The following BCL11B variants were observed in gnomAD, a reference collection of about 807,000 sequenced individuals.
BCL11B encodes BCL11 transcription factor B, also known as B-cell lymphoma/leukemia 11B.
In BCL11B, 8 loss-of-function variants were observed where a neutral mutation model predicts 49.9. The ratio of observed to expected loss-of-function variants is 0.16; its 90% CI spans 0.09 to 0.29. The LOEUF (loss-of-function observed/expected upper bound fraction) is 0.29. Ranked by LOEUF, BCL11B falls within the 10% of genes least tolerant of loss-of-function variation. BCL11B has a pLI of 1.00. For synonymous variants in BCL11B, 739 were observed against 637.4 expected (o/e 1.16, Z -2.40); for missense variants, 1,006 against 1,351.0 (o/e 0.74, Z 4.00).
Position 99,205,115 on chromosome 14 carries a change from C to T in BCL11B, c.640+26230G>A, listed in dbSNP as rs1420038651. Among the ~76,000 whole-genome samples the T allele has an allele frequency of 1.3e-5, 2 of 152,014 alleles. No homozygotes were observed. The highest frequency in any genetic ancestry group is 6.5e-5 in the Admixed American group (1 of 15,272). On this transcript the variant is annotated intron_variant, in intron 3 of 3. Transcript: ENST00000357195. The surrounding 1 kb of genome is among the most constrained non-coding windows in gnomAD (Gnocchi z 5.0). Reference sequence around the variant, plus strand: ...TGAAAGGGAGCATAATATGATCCTTCCTTAATGGAAGCAGCTCTTTCACAA... The same window carrying T: ...TGAAAGGGAGCATAATATGATCCTTTCTTAATGGAAGCAGCTCTTTCACAA...
chr14:99,224,071 G>T (rs1041546203), intron 3 of BCL11B, among the ~76,000 whole-genome samples: 1 of 152,172 alleles, frequency 6.6e-6, no homozygotes, highest in African/African-American at 2.4e-5. Context: ...CCAGCCCAGG[G>T]TCTGGCACAA....
chr14:99,230,748 C>G (rs984163714), intron 3 of BCL11B, among the ~76,000 whole-genome samples: 1 of 152,158 alleles, frequency 6.6e-6, no homozygotes, highest in African/African-American at 2.4e-5. Flanking sequence ...GGCCCAGAGC[C>G]GGACGCACAG....
chr14:99,178,771 T>G (rs182929131), intron 3 of BCL11B, among the ~76,000 whole-genome samples: 1 of 152,236 alleles, frequency 6.6e-6, no homozygotes, highest in Non-Finnish European at 1.5e-5. Flanking sequence ...TGCAGGGTTA[T>G]AGATCTTCAA....
intron 2 of BCL11B, among the ~76,000 whole-genome samples, chr14:99,250,281 C>T (rs993194919): frequency 5.9e-5 from 9 of 151,960 alleles, no homozygotes; most frequent in South Asian, 2.1e-4. Context: ...ATGATCCCCC[C>T]GCCTCGGCCT....
At chr14:99,190,405 T>C (rs1201238028) in intron 3 of BCL11B, among the ~76,000 whole-genome samples, 2 of 152,230 alleles carry the variant, frequency 1.3e-5, no homozygotes, top group African/African-American at 4.8e-5. Flanking sequence ...GGAGAATCGC[T>C]TGAACCCGGG....
chr14:99,233,442 C>T (rs1209102678), intron 2 of BCL11B, among the ~76,000 whole-genome samples: 1 of 152,220 alleles, frequency 6.6e-6, no homozygotes, highest in Non-Finnish European at 1.5e-5. Context: ...GCAACGGCCA[C>T]ATAGTGGGCG....
chr14:99,240,799 A>G (rs2139914317), intron 2 of BCL11B, among the ~76,000 whole-genome samples: 1 of 152,364 alleles, frequency 6.6e-6, no homozygotes, highest in South Asian at 2.1e-4. Context: ...AAAGATTGTT[A>G]GCACATTAAC....
At chr14:99,252,817 G>C (rs1426438703) in intron 2 of BCL11B, among the ~76,000 whole-genome samples, 1 of 152,248 alleles carries the variant, frequency 6.6e-6, no homozygotes, top group Admixed American at 6.5e-5. Flanking sequence ...GTTATGGAAG[G>C]GCTGAAAACA....
At position 99,184,149 on chromosome 14, in the gene BCL11B, C is replaced by T. The variant is rs1234039288; in HGVS notation, c.641-7954G>A. 1.3e-5 allele frequency among the ~76,000 whole-genome samples: 2 copies of T among 152,100 alleles called. No homozygotes were observed. Among genetic ancestry groups the T allele is most frequent in the Non-Finnish European group, 2.9e-5 (2 of 68,024 alleles). ...CTTGCTGCCTGCCTTTTGCACACAC[C>T]CATGAGCTGCCCACTCGCCCTCTCG... On this transcript the variant is annotated intron_variant, in intron 3 of 3. Coordinates refer to ENST00000357195, the MANE Select transcript of BCL11B (RefSeq NM_138576.4). This position sits in a 1 kb window ranked among gnomAD's most constrained non-coding sequence, Gnocchi z 6.1.
intron 1 of BCL11B, among the ~76,000 whole-genome samples, chr14:99,260,615 A>G (rs369782246): frequency 3.0e-4 from 46 of 151,998 alleles, no homozygotes; most frequent in African/African-American, 1.1e-3. Context: ...TTTTGCCAAG[A>G]CTATGTACCA....
intron 3 of BCL11B, among the ~76,000 whole-genome samples, chr14:99,193,764 T>C (rs1352535985): frequency 6.6e-6 from 1 of 152,256 alleles, no homozygotes; most frequent in Non-Finnish European, 1.5e-5. Flanking sequence ...GAGGGTTTGA[T>C]AGCACCTCTT....
At chr14:99,210,257 T>C (rs1887649162) in intron 3 of BCL11B, among the ~76,000 whole-genome samples, 1 of 152,124 alleles carries the variant, frequency 6.6e-6, no homozygotes, top group African/African-American at 2.4e-5. Context: ...CTGCATCCTA[T>C]TCCTTGCAGA....
rs1195526922 is a variant in BCL11B at position 99,257,972 on chromosome 14, C to G, written c.59-133G>C. The stretch of plus-strand genomic sequence containing the variant: ...CTCTGCTGCTGGCTGCCAGAGCTCA[C>G]CAGGTCCTCCCCGGGGTTGGGGGCT... On this transcript the variant is annotated intron_variant, in intron 1 of 3. Coordinates refer to ENST00000357195, the MANE Select transcript of BCL11B (RefSeq NM_138576.4). This position sits in a 1 kb window ranked among gnomAD's most constrained non-coding sequence, Gnocchi z 6.2. The G allele has an allele frequency of 3.5e-6, 4 of 1,132,808 alleles. No homozygotes were observed. The highest frequency in any genetic ancestry group is 4.7e-6 in the Non-Finnish European group (4 of 851,004). The allele number at this position is 1,132,808 out of a possible 1,614,324, so 70.2% of individuals were successfully genotyped here. A position where few individuals can be genotyped will look rare whatever the true frequency, so the allele number is the denominator to read the frequency against.
chr14:99,193,716 A>G (rs1887103014), intron 3 of BCL11B, among the ~76,000 whole-genome samples: 1 of 152,126 alleles, frequency 6.6e-6, no homozygotes, highest in Admixed American at 6.5e-5. Flanking sequence ...ACACTAACGA[A>G]CCCCACTGCC....
rs79208977 is a variant in BCL11B at position 99,192,873 on chromosome 14, A to G, written c.641-16678T>C. On this transcript the variant is annotated intron_variant, in intron 3 of 3. Transcript: ENST00000357195. This position sits in a 1 kb window ranked among gnomAD's most constrained non-coding sequence, Gnocchi z 4.0. The stretch of plus-strand genomic sequence containing the variant: ...TAATGATCAAAATGTAAATGAGTGA[A>G]TGAATGAATGAATGAATGAATGAGT... Among the ~76,000 whole-genome samples the G allele has an allele frequency of 5.2e-5, 1 of 19,128 alleles. No individual in the cohort carries two copies. Among genetic ancestry groups the G allele is most frequent in the African/African-American group, 2.0e-4 (1 of 4,926 alleles). 12.5% of individuals were successfully genotyped at this position (19,128 alleles called of 152,430 possible). A position where few individuals can be genotyped will look rare whatever the true frequency, so the allele number is the denominator to read the frequency against.
intron 2 of BCL11B, among the ~76,000 whole-genome samples, chr14:99,240,926 C>T (rs974611765): frequency 6.6e-6 from 1 of 152,196 alleles, no homozygotes; most frequent in Admixed American, 6.5e-5. Context: ...AAACCGGCAG[C>T]GCAGTCCTCA....
In BCL11B at chr14:99,172,845, G is replaced by GAA; in HGVS notation, c.*1304_*1305dup. 2 of 215,182 alleles carry GAA rather than the reference G, an allele frequency of 9.3e-6. No individual in the cohort carries two copies. The highest frequency in any genetic ancestry group is 5.9e-5 in the Admixed American group (1 of 16,982). 13.3% of individuals were successfully genotyped at this position (215,182 alleles called of 1,614,324 possible). ...AGTACCTTCCAACCTAATGAGATAG[G>GAA]AAAAAAAAAATAAAAACCTGGGAAG... is the stretch of plus-strand genomic sequence containing the variant. On this transcript the variant is annotated 3_prime_UTR_variant, in exon 4 of 4. Transcript: ENST00000357195.
At chr14:99,215,814 T>C (rs1887817455) in intron 3 of BCL11B, among the ~76,000 whole-genome samples, 2 of 152,200 alleles carry the variant, frequency 1.3e-5, no homozygotes, top group Non-Finnish European at 1.5e-5. Context: ...TTTAGTGCAG[T>C]GATTCTGGAA....
At chr14:99,193,302 CAT>C (rs1164954479) in intron 3 of BCL11B, among the ~76,000 whole-genome samples, 1 of 152,114 alleles carries the variant, frequency 6.6e-6, no homozygotes, top group Non-Finnish European at 1.5e-5. Flanking sequence ...ACACAATTAA[CAT>C]GTGATTATAA....
Sources: allele counts gnomAD v4.1 joint callset (sites outside exome capture counted in the v4.1 genomes callset), GRCh38; gene constraint gnomAD v4.1.1; non-coding constraint Gnocchi (gnomAD v3.1); transcripts MANE v1.5; gene names NCBI Gene and HGNC (gene_info 2026-07-23, HGNC 2026-07-21).